CERS4: variants seen among roughly 807,000 people sequenced by gnomAD.
The protein encoded by CERS4 is ceramide synthase 4.
A neutral mutation model predicts 51.8 loss-of-function variants in CERS4; 65 were observed. The observed-to-expected ratio is 1.26, with a 90% CI of 1.03 to 1.54. The LOEUF (loss-of-function observed/expected upper bound fraction) is 1.54, where lower values mean the gene tolerates loss of function less well. Ranked by LOEUF, CERS4 falls within the 40% of genes most tolerant of loss-of-function variation. The pLI, the probability that CERS4 is intolerant of heterozygous loss-of-function variation, is 0.00. For missense variants in CERS4, 563 were observed against 500.4 expected (o/e 1.13, Z -1.19); for synonymous variants, 228 against 208.4 (o/e 1.09, Z -0.81).
intron 2 of CERS4, among the ~76,000 whole-genome samples, chr19:8,235,811 C>T (rs1236637742): frequency 1.3e-5 from 2 of 151,814 alleles, no homozygotes; most frequent in African/African-American, 4.8e-5. Context: ...GGAGGATCAC[C>T]TGAGCCCCAG....
At chr19:8,248,900 GAC>G (rs1968916641) in intron 2 of CERS4, among the ~76,000 whole-genome samples, 2 of 150,542 alleles carry the variant, frequency 1.3e-5, no homozygotes, top group Non-Finnish European at 3.0e-5. Context: ...TGGATGGGTG[GAC>G]ATATGGATGA....
intron 2 of CERS4, among the ~76,000 whole-genome samples, chr19:8,221,805 C>G (rs1967555140): frequency 2.0e-5 from 3 of 150,350 alleles, no homozygotes; most frequent in Admixed American, 1.3e-4. Context: ...GGATTACAGG[C>G]ATGAGCCACC....
chr19:8,261,164 C>T (rs1969678673), intron 10 of CERS4: 1 of 155,920 alleles, frequency 6.4e-6, no homozygotes, highest in African/African-American at 2.4e-5. Context: ...AGACAAAGCC[C>T]CACCTCTGTC....
At chr19:8,242,286 T>C (rs978277758) in intron 2 of CERS4, among the ~76,000 whole-genome samples, 6 of 152,072 alleles carry the variant, frequency 3.9e-5, no homozygotes, top group Non-Finnish European at 7.4e-5. Context: ...CAGAGACAGG[T>C]TGGTGAGGTT....
At chr19:8,211,196 G>C (rs2336170) in intron 2 of CERS4, among the ~76,000 whole-genome samples, 24,883 of 152,082 alleles carry the variant, frequency 0.16, 3,353 homozygotes, top group East Asian at 0.35. Context: ...GACCCAGTGC[G>C]TGGCACAGAA....
intron 2 of CERS4, among the ~76,000 whole-genome samples, chr19:8,234,160 G>A (rs1157412869): frequency 2.0e-5 from 3 of 152,132 alleles, no homozygotes; most frequent in Non-Finnish European, 4.4e-5. Flanking sequence ...CAAAAAATTA[G>A]CCGGGCATGG....
chr19:8,259,596 G>A (rs1042650635), intron 10 of CERS4, among the ~76,000 whole-genome samples: 4 of 152,070 alleles, frequency 2.6e-5, no homozygotes, highest in Admixed American at 6.6e-5. Context: ...CAGGGTAGGC[G>A]AGAGAAGTGG....
intron 4 of CERS4, among the ~76,000 whole-genome samples, chr19:8,254,850 C>T (rs557684063): frequency 6.6e-6 from 1 of 151,752 alleles, no homozygotes; most frequent in Admixed American, 6.6e-5. Context: ...GAGCCCCACC[C>T]TTCCAGCCTC....
chr19:8,260,580 G>A (rs1327219886), intron 10 of CERS4, among the ~76,000 whole-genome samples: 1 of 151,838 alleles, frequency 6.6e-6, no homozygotes, highest in Non-Finnish European at 1.5e-5. Context: ...TGCCCAGAGG[G>A]GCAGAGTAAA....
intron 2 of CERS4, among the ~76,000 whole-genome samples, chr19:8,235,933 C>A (rs1299249734): frequency 2.0e-5 from 3 of 151,392 alleles, no homozygotes; most frequent in African/African-American, 7.3e-5. Flanking sequence ...CGGTGGCTCA[C>A]GCCTGTAATC....
Position 8,255,564 on chromosome 19 carries a change from C to A in CERS4, c.292-43C>A, listed in dbSNP as rs746363071. Reference sequence around the variant, plus strand: ...TGTCTGGGGACATGGGGGAAGCCACCACAGGGCCTCTGTGACCCTTGTCCT... The same window carrying A: ...TGTCTGGGGACATGGGGGAAGCCACAACAGGGCCTCTGTGACCCTTGTCCT... On this transcript the variant is annotated intron_variant, in intron 4 of 11. Coordinates refer to ENST00000251363, the MANE Select transcript of CERS4 (RefSeq NM_024552.3). 1.1e-5 allele frequency: 17 copies of A among 1,553,194 alleles called. No individual in the cohort carries two copies. In the African/African-American group the frequency reaches 1.9e-4, roughly 17 times the overall value.
chr19:8,232,429 T>C (rs1387514755), intron 2 of CERS4, among the ~76,000 whole-genome samples: 3 of 151,982 alleles, frequency 2.0e-5, no homozygotes, highest in African/African-American at 7.3e-5. Flanking sequence ...TAGCTGGGAT[T>C]ACAGGCACGT....
At chr19:8,240,199 A>G (rs1324490181) in intron 2 of CERS4, among the ~76,000 whole-genome samples, 2 of 152,090 alleles carry the variant, frequency 1.3e-5, no homozygotes, top group Non-Finnish European at 2.9e-5. Context: ...GCTATGGATT[A>G]AGCTGGGGAG....
rs547221129 is a variant in CERS4 at position 8,252,498 on chromosome 19, G to A, written c.173+1249G>A. 2.4e-4 allele frequency among the ~76,000 whole-genome samples: 36 copies of A among 150,418 alleles called. 1 individual carries two copies. The South Asian group carries it at 7.0e-3, about 29-fold the overall frequency. On this transcript the variant is annotated intron_variant, in intron 3 of 11. Coordinates refer to ENST00000251363, the MANE Select transcript of CERS4 (RefSeq NM_024552.3). Reference sequence around the variant, plus strand: ...CTTTCACCTTGGCTGGAGTACAGTGGCACAATCTCAGTTCACTACAACCTC... The same window carrying A: ...CTTTCACCTTGGCTGGAGTACAGTGACACAATCTCAGTTCACTACAACCTC...
chr19:8,261,913 C>T lies in CERS4; in HGVS notation c.1006-17C>T, dbSNP rs1373580582. 6.2e-7 allele frequency: 1 copy of T among 1,609,732 alleles called. No homozygotes were observed. The highest frequency in any genetic ancestry group is 2.2e-5 in the East Asian group (1 of 44,778). On this transcript the variant is annotated splice_polypyrimidine_tract_variant and intron_variant, in intron 11 of 11. Transcript: ENST00000251363. ...TTCCTCCCTGCTCTGAGCTCCATCC[C>T]TCTCTCTGTTCCCCAGATGGAGAAG...
intron 2 of CERS4, among the ~76,000 whole-genome samples, chr19:8,245,123 A>AAC (rs1568523476): frequency 1.7e-4 from 10 of 58,336 alleles, no homozygotes; most frequent in Admixed American, 2.4e-4. Context: ...AAAAAAAAAA[A>AAC]AAAAAAAAAA....
intron 2 of CERS4, among the ~76,000 whole-genome samples, chr19:8,219,987 T>TAAA (rs3042172): frequency 0.046 from 6,897 of 148,830 alleles, 189 homozygotes; most frequent in Middle Eastern, 0.068. Flanking sequence ...TGTTGTCTCT[T>TAAA]AAAAAAAAAA....
chr19:8,262,124 C>T lies in CERS4; in HGVS notation c.*15C>T. On this transcript the variant is annotated 3_prime_UTR_variant, in exon 12 of 12. Transcript: ENST00000251363. Reference sequence around the variant, plus strand: ...CAGCCACATAGCCGGGCGGGGCTGGCTGTAAGGGGTTGCCCCCCCGCCAGT... The same window carrying T: ...CAGCCACATAGCCGGGCGGGGCTGGTTGTAAGGGGTTGCCCCCCCGCCAGT... 6.9e-7 allele frequency: 1 copy of T among 1,443,298 alleles called. No individual in the cohort carries two copies. The highest frequency in any genetic ancestry group is 1.5e-5 in the South Asian group (1 of 67,742). The allele number at this position is 1,443,298 out of a possible 1,614,324, so 89.4% of individuals were successfully genotyped here.
At position 8,221,948 on chromosome 19, in the gene CERS4, CG is replaced by C. The variant is rs1449590362; in HGVS notation, c.-2+11087del. Among the ~76,000 whole-genome samples, 8 of 118,016 alleles carry C rather than the reference CG, an allele frequency of 6.8e-5. No homozygotes were observed. The South Asian group carries it at 2.4e-3, about 35-fold the overall frequency. 77.4% of individuals were successfully genotyped at this position (118,016 alleles called of 152,430 possible). A position where few individuals can be genotyped will look rare whatever the true frequency, so the allele number is the denominator to read the frequency against. ...CCAGGCTGGAGTGCAGTGGCATGAT[CG>C]TGGCTCACTGCAAGCTCCGCCTCCC... On this transcript the variant is annotated intron_variant, in intron 2 of 11. Transcript: ENST00000251363.
Sources: allele counts gnomAD v4.1 joint callset (sites outside exome capture counted in the v4.1 genomes callset), GRCh38; gene constraint gnomAD v4.1.1; transcripts MANE v1.5; gene names NCBI Gene and HGNC (gene_info 2026-07-23, HGNC 2026-07-21).